The following IL1RAPL2 variants were observed in gnomAD, a reference collection of about 807,000 sequenced individuals.
The protein encoded by IL1RAPL2 is X-linked interleukin-1 receptor accessory protein-like 2.
IL1RAPL2 carries 3 observed loss-of-function variants against 44.1 expected under a neutral mutation model. The ratio of observed to expected loss-of-function variants is 0.07; its 90% CI spans 0.03 to 0.18. The LOEUF is 0.18. Among genes scored for constraint, IL1RAPL2 ranks in the 10% least tolerant of loss-of-function variants. The probability of loss-of-function intolerance (pLI) is 1.00; values close to 1 mark genes in which losing one functional copy is unlikely to be tolerated. For synonymous variants in IL1RAPL2, 181 were observed against 178.8 expected (o/e 1.01, Z -0.10); for missense variants, 391 against 496.4 (o/e 0.79, Z 2.02).
chrX:105,589,826 T>C (rs1255757121), intron 6 of IL1RAPL2, among the ~76,000 whole-genome samples: 1 of 111,978 alleles, frequency 8.9e-6, no homozygotes, highest in Non-Finnish European at 1.9e-5. Flanking sequence ...CCTTCAGCTT[T>C]GCTCTGTTTG....
At chrX:104,659,042 T>A (rs1159482050) in intron 2 of IL1RAPL2, 47 bp downstream of exon 2, 1 of 940,585 alleles carries the variant, frequency 1.1e-6, no homozygotes, top group South Asian at 2.1e-5. Flanking sequence ...ATGTACAGTT[T>A]TGTGAGCACC....
intron 1 of IL1RAPL2, among the ~76,000 whole-genome samples, chrX:104,580,150 CCTCT>C (rs1928317285): frequency 8.9e-6 from 1 of 112,106 alleles, no homozygotes; most frequent in Non-Finnish European, 1.9e-5. Context: ...ATTGATTAAA[CCTCT>C]CTGTCACTTC....
At chrX:105,162,720 A>C (rs184783572) in intron 2 of IL1RAPL2, among the ~76,000 whole-genome samples, 1 of 111,983 alleles carries the variant, frequency 8.9e-6, no homozygotes, top group Admixed American at 9.5e-5. Context: ...GTCTTTTATA[A>C]CAAAAATATC....
intron 1 of IL1RAPL2, among the ~76,000 whole-genome samples, 184 bp from the exon 2 acceptor site, chrX:104,658,711 G>A (rs1930326597): frequency 8.9e-6 from 1 of 112,459 alleles, no homozygotes; most frequent in Admixed American, 9.4e-5. Flanking sequence ...TTTAAGCAGG[G>A]AACCTGACAT....
intron 6 of IL1RAPL2, among the ~76,000 whole-genome samples, chrX:105,597,427 C>T (rs1170531614): frequency 9.0e-6 from 1 of 111,172 alleles, no homozygotes; most frequent in African/African-American, 3.3e-5. Context: ...GTTCTTCAGA[C>T]TGTACAGGAA....
chrX:104,916,843 T>G (rs1293396639), intron 2 of IL1RAPL2, among the ~76,000 whole-genome samples: 1 of 111,661 alleles, frequency 9.0e-6, no homozygotes, highest in Non-Finnish European at 1.9e-5. Context: ...GTTTTTGTCT[T>G]TGGTTCTGTT....
In IL1RAPL2 at chrX:105,670,146, T is replaced by TATATATATATATATATA. The variant is rs1301114173; in HGVS notation, c.773-47219_773-47218insATATATATATATATAAT. 7.6e-3 allele frequency among the ~76,000 whole-genome samples: 353 copies of TATATATATATATATATA among 46,316 alleles called. 61 individuals carry two copies. The highest frequency in any genetic ancestry group is 0.014 in the Middle Eastern group (1 of 74). 40.2% of individuals were successfully genotyped at this position (46,316 alleles called of 115,157 possible). ...ATATATATATATATATATATATATA[T>TATATATATATATATATA]ATCTCCACCAGACCACACAGTCTTG... On this transcript the variant is annotated intron_variant, in intron 6 of 10. Coordinates refer to ENST00000372582, the MANE Select transcript of IL1RAPL2 (RefSeq NM_017416.2).
chrX:105,325,720 A>G (rs1342025980), intron 5 of IL1RAPL2, among the ~76,000 whole-genome samples: 3 of 109,321 alleles, frequency 2.7e-5, no homozygotes, highest in African/African-American at 1.0e-4. Context: ...CTGTTTCTCC[A>G]TATCATCACC....
chrX:105,250,361 G>T (rs1264929915), intron 4 of IL1RAPL2, among the ~76,000 whole-genome samples: 1 of 111,120 alleles, frequency 9.0e-6, no homozygotes, highest in Non-Finnish European at 1.9e-5. Flanking sequence ...AACACAGAGT[G>T]CACCCTCATG....
intron 1 of IL1RAPL2, among the ~76,000 whole-genome samples, chrX:104,606,787 T>G (rs1017549008): frequency 1.4e-4 from 16 of 111,338 alleles, no homozygotes; most frequent in African/African-American, 5.2e-4. Flanking sequence ...CACTGCTCAA[T>G]GAAATAAAAG....
chrX:104,765,554 A>G (rs1238340534), intron 2 of IL1RAPL2, among the ~76,000 whole-genome samples: 2 of 112,000 alleles, frequency 1.8e-5, no homozygotes, highest in Non-Finnish European at 1.9e-5. Flanking sequence ...TGAATGGTTA[A>G]TAAGGGTGAT....
At chrX:105,136,170 A>G (rs1245794475) in intron 2 of IL1RAPL2, among the ~76,000 whole-genome samples, 3 of 112,096 alleles carry the variant, frequency 2.7e-5, no homozygotes, top group Non-Finnish European at 5.6e-5. Context: ...GCACTTGAAT[A>G]TGCGTCTAGG....
intron 6 of IL1RAPL2, among the ~76,000 whole-genome samples, chrX:105,642,336 A>G (rs943817714): frequency 8.9e-6 from 1 of 112,384 alleles, no homozygotes; most frequent in African/African-American, 3.2e-5. Context: ...AGGAATTGCA[A>G]GTGGAATTGT....
At chrX:104,672,631 C>G (rs1930635059) in intron 2 of IL1RAPL2, among the ~76,000 whole-genome samples, 1 of 102,961 alleles carries the variant, frequency 9.7e-6, no homozygotes, top group Non-Finnish European at 2.0e-5. Flanking sequence ...ATGGCTGGGT[C>G]AAATGGTATT....
chrX:105,602,624 T>A, intron 6 of IL1RAPL2, among the ~76,000 whole-genome samples: 1 of 110,474 alleles, frequency 9.1e-6, no homozygotes, highest in Non-Finnish European at 1.9e-5. Flanking sequence ...ACAGGTCTTC[T>A]AAGCACTTTA....
At chrX:105,522,381 A>G (rs765253111) in intron 6 of IL1RAPL2, among the ~76,000 whole-genome samples, 6 of 112,724 alleles carry the variant, frequency 5.3e-5, no homozygotes, top group South Asian at 3.6e-4. Flanking sequence ...CCATGTATCA[A>G]TGAAATTTAG....
intron 2 of IL1RAPL2, among the ~76,000 whole-genome samples, chrX:104,716,260 C>G (rs1290591541): frequency 9.0e-6 from 1 of 111,644 alleles, no homozygotes; most frequent in Non-Finnish European, 1.9e-5. Flanking sequence ...CCCTTCCTTA[C>G]ACCACATACA....
intron 2 of IL1RAPL2, among the ~76,000 whole-genome samples, chrX:105,030,617 G>T (rs2031472684): frequency 9.0e-6 from 1 of 111,487 alleles, no homozygotes. Context: ...CTCTGTTTTG[G>T]TACCAGTACC....
intron 2 of IL1RAPL2, among the ~76,000 whole-genome samples, chrX:104,688,039 A>C (rs1176426870): frequency 8.9e-6 from 1 of 111,838 alleles, no homozygotes; most frequent in East Asian, 2.8e-4. Flanking sequence ...TCACCTACAC[A>C]ACTATGCATG....
Sources: gnomAD v4.1 joint callset for allele counts (sites outside exome capture counted in the v4.1 genomes callset) on GRCh38, gnomAD v4.1.1 for gene constraint, MANE v1.5 for transcripts, NCBI Gene and HGNC (gene_info 2026-07-23, HGNC 2026-07-21) for gene names.